Variants in MNAT1 observed in about 807,000 individuals in gnomAD.
MNAT1 encodes MNAT1 component of CDK activating kinase, also known as CDK-activating kinase assembly factor MAT1.
Under a neutral mutation model 42.0 loss-of-function variants are expected in MNAT1, and 43 were observed. The observed-to-expected ratio is 1.02, with a 90% confidence interval of 0.80 to 1.32. The LOEUF is 1.32. Among genes scored for constraint, MNAT1 ranks in the 40% most tolerant of loss-of-function variants. The pLI, the probability that MNAT1 is intolerant of heterozygous loss-of-function variation, is 0.00. For missense variants in MNAT1, 306 were observed against 350.4 expected, an observed-to-expected ratio of 0.87 and a Z score of 1.01; for synonymous variants, 118 against 120.0, an observed-to-expected ratio of 0.98 and a Z score of 0.11.
At chr14:60,831,432 G>C (rs1049776031) in intron 6 of MNAT1, among the ~76,000 whole-genome samples, 4 of 152,140 alleles carry the variant, frequency 2.6e-5, no homozygotes, top group African/African-American at 9.7e-5. Flanking sequence ...GTGGTGTTTA[G>C]TTTTCTGTTC....
chr14:60,899,912 G>T (rs530491964), intron 7 of MNAT1, among the ~76,000 whole-genome samples: 42 of 149,156 alleles, frequency 2.8e-4, no homozygotes, highest in South Asian at 1.7e-3. Flanking sequence ...GATTTTATCT[G>T]TGTGGTGATT....
At chr14:60,852,451 T>A (rs1594803051) in intron 6 of MNAT1, among the ~76,000 whole-genome samples, 3 of 152,192 alleles carry the variant, frequency 2.0e-5, no homozygotes, top group South Asian at 4.1e-4. Context: ...ATTAGACCTT[T>A]GTCAGATGGG....
In MNAT1 at chr14:60,758,346, C is replaced by G. The variant is rs192324129; in HGVS notation, c.89+23395C>G. The stretch of plus-strand genomic sequence containing the variant: ...TCAGCCTCCTCAGTAGCAGGAACTA[C>G]AAGTGTGTGCCACTACACCTGGCTA... On this transcript the variant is annotated intron_variant, in intron 1 of 7. Coordinates refer to ENST00000261245, the MANE Select transcript of MNAT1 (RefSeq NM_002431.4). Among the ~76,000 whole-genome samples, 252 of 152,080 alleles carry G rather than the reference C, an allele frequency of 1.7e-3. 1 individual carries two copies. The highest frequency in any genetic ancestry group is 5.4e-3 in the African/African-American group (222 of 41,470).
chr14:60,839,587 A>G (rs1257901909), intron 6 of MNAT1, among the ~76,000 whole-genome samples: 1 of 152,198 alleles, frequency 6.6e-6, no homozygotes, highest in African/African-American at 2.4e-5. Flanking sequence ...TTTGGGGGTG[A>G]TGAGAAGGAG....
At chr14:60,783,628 C>G (rs2031540661) in intron 1 of MNAT1, among the ~76,000 whole-genome samples, 1 of 152,076 alleles carries the variant, frequency 6.6e-6, no homozygotes, top group Non-Finnish European at 1.5e-5. Flanking sequence ...TCCCGAGTAG[C>G]TGGGACTACA....
intron 6 of MNAT1, among the ~76,000 whole-genome samples, chr14:60,872,765 A>G (rs753431919): frequency 2.0e-5 from 3 of 151,810 alleles, no homozygotes; most frequent in Non-Finnish European, 4.4e-5. Flanking sequence ...AAAATAAGAC[A>G]ATGAATACTC....
chr14:60,748,747 C>T (rs752022936), intron 1 of MNAT1, among the ~76,000 whole-genome samples: 8 of 152,014 alleles, frequency 5.3e-5, no homozygotes, highest in Admixed American at 2.6e-4. Context: ...AGAATACTTC[C>T]GGAATGATCT....
In MNAT1 at chr14:60,968,452, C is replaced by T; in HGVS notation, c.*103C>T. 6.5e-7 allele frequency: 1 copy of T among 1,530,628 alleles called. No individual in the cohort carries two copies. The highest frequency in any genetic ancestry group is 2.4e-5 in the East Asian group (1 of 41,472). The allele number at this position is 1,530,628 out of a possible 1,614,324, so 94.8% of individuals were successfully genotyped here. On this transcript the variant is annotated 3_prime_UTR_variant, in exon 8 of 8. Transcript: ENST00000261245. Reference sequence around the variant, plus strand: ...GTGCAGCTGCACAACACAGTCCTTCCACTAGCAGCTGTGTTAAAGTATTTA... The same window carrying T: ...GTGCAGCTGCACAACACAGTCCTTCTACTAGCAGCTGTGTTAAAGTATTTA...
chr14:60,749,981 A>C (rs755402839), intron 1 of MNAT1, among the ~76,000 whole-genome samples: 14 of 152,150 alleles, frequency 9.2e-5, no homozygotes, highest in Non-Finnish European at 2.1e-4. Flanking sequence ...TGATTCCAAA[A>C]CTTACCTCAT....
chr14:60,751,770 A>G (rs2030104279), intron 1 of MNAT1, among the ~76,000 whole-genome samples: 1 of 152,074 alleles, frequency 6.6e-6, no homozygotes, highest in African/African-American at 2.4e-5. Flanking sequence ...ATATGTAAAA[A>G]AAAAAAGAAT....
intron 7 of MNAT1, among the ~76,000 whole-genome samples, chr14:60,963,941 G>A (rs2036639494): frequency 6.6e-6 from 1 of 152,122 alleles, no homozygotes; most frequent in Admixed American, 6.6e-5. Flanking sequence ...TCTTGGTCTT[G>A]AGTGACAAGC....
At chr14:60,961,994 A>G (rs1354291037) in intron 7 of MNAT1, among the ~76,000 whole-genome samples, 1 of 152,170 alleles carries the variant, frequency 6.6e-6, no homozygotes, top group African/African-American at 2.4e-5. Flanking sequence ...TATCTACTGA[A>G]TTTCCAAGAA....
At chr14:60,833,722 A>G (rs532210606) in intron 6 of MNAT1, among the ~76,000 whole-genome samples, 3 of 151,982 alleles carry the variant, frequency 2.0e-5, no homozygotes, top group African/African-American at 7.2e-5. Flanking sequence ...CTTATTTTCT[A>G]TTGTTTGGTA....
At chr14:60,869,672 A>T (rs928657674) in intron 6 of MNAT1, among the ~76,000 whole-genome samples, 49 of 152,116 alleles carry the variant, frequency 3.2e-4, no homozygotes, top group Admixed American at 2.7e-3. Context: ...TGTAATTACA[A>T]CCTCTTCTAT....
intron 7 of MNAT1, among the ~76,000 whole-genome samples, chr14:60,910,216 G>A (rs143927741): frequency 0.67 from 101,704 of 151,982 alleles, 34,442 homozygotes; most frequent in Admixed American, 0.73. Context: ...AGCTTAAGGA[G>A]ATTTTGGGCC....
At chr14:60,926,015 G>A (rs1209730438) in intron 7 of MNAT1, among the ~76,000 whole-genome samples, 2 of 152,080 alleles carry the variant, frequency 1.3e-5, no homozygotes, top group African/African-American at 4.8e-5. Flanking sequence ...ATCTTTTGAT[G>A]GAAATTCAGT....
intron 7 of MNAT1, among the ~76,000 whole-genome samples, chr14:60,912,291 T>A (rs1432350098): frequency 1.3e-5 from 2 of 152,076 alleles, no homozygotes; most frequent in East Asian, 3.9e-4. Context: ...CCAGTGTGTG[T>A]CTTTTAATTG....
chr14:60,956,222 C>T (rs1262628618), intron 7 of MNAT1, among the ~76,000 whole-genome samples: 1 of 151,904 alleles, frequency 6.6e-6, no homozygotes, highest in East Asian at 1.9e-4. Context: ...AGATATTTTT[C>T]TTGAGAATCA....
chr14:60,938,746 T>C (rs1318877691), intron 7 of MNAT1, among the ~76,000 whole-genome samples: 2 of 152,240 alleles, frequency 1.3e-5, no homozygotes, highest in Non-Finnish European at 2.9e-5. Context: ...GCTGGCCTCA[T>C]ACAATGAGTT....
Sources: allele counts gnomAD v4.1 joint callset (sites outside exome capture counted in the v4.1 genomes callset), GRCh38; gene constraint gnomAD v4.1.1; transcripts MANE v1.5; gene names NCBI Gene and HGNC (gene_info 2026-07-23, HGNC 2026-07-21).